YIPF4: variants seen among roughly 807,000 people sequenced by gnomAD.
YIPF4 encodes the protein Yip1 domain family member 4, also known as protein YIPF4.
A neutral mutation model predicts 29.4 loss-of-function variants in YIPF4; 18 were observed. The ratio of observed to expected loss-of-function variants is 0.61; its 90% CI spans 0.42 to 0.91. The LOEUF (loss-of-function observed/expected upper bound fraction) is 0.91. Ranked by LOEUF, YIPF4 falls within the 40% of genes least tolerant of loss-of-function variation. YIPF4 has a pLI of 0.00. For missense variants in YIPF4, 279 were observed against 282.7 expected, an observed-to-expected ratio of 0.99 and a Z score of 0.09; for synonymous variants, 115 against 104.7, an observed-to-expected ratio of 1.10 and a Z score of -0.60.
At chr2:32,290,769 G>A in intron 2 of YIPF4, 133 bp downstream of exon 2, 1 of 503,508 alleles carries the variant, frequency 2.0e-6, no homozygotes, top group Non-Finnish European at 3.0e-6. Flanking sequence ...AATTTTACTA[G>A]TAATTTAAAA....
chr2:32,289,480 TAG>T (rs1359970025), intron 1 of YIPF4, among the ~76,000 whole-genome samples: 1 of 152,218 alleles, frequency 6.6e-6, no homozygotes, highest in Non-Finnish European at 1.5e-5. Context: ...CTATCTGTGT[TAG>T]AGTGTTCTGG....
intron 1 of YIPF4, among the ~76,000 whole-genome samples, chr2:32,281,154 A>G (rs2030390142): frequency 6.6e-6 from 1 of 152,168 alleles, no homozygotes; most frequent in Admixed American, 6.5e-5. Flanking sequence ...CCACGGAGCT[A>G]TATGTATATG....
At chr2:32,301,262 T>C in intron 4 of YIPF4, 120 bp from the exon 5 acceptor site, 3 of 658,096 alleles carry the variant, frequency 4.6e-6, no homozygotes, top group Admixed American at 5.8e-5. Flanking sequence ...TAATAGTTTA[T>C]GATTTCTTCT....
intron 1 of YIPF4, among the ~76,000 whole-genome samples, chr2:32,279,250 C>T (rs1388042314): frequency 6.6e-6 from 1 of 151,952 alleles, no homozygotes; most frequent in Non-Finnish European, 1.5e-5. Flanking sequence ...GGATTACCGG[C>T]GTGAGCCACC....
At chr2:32,279,658 C>G (rs2030300312) in intron 1 of YIPF4, among the ~76,000 whole-genome samples, 1 of 151,264 alleles carries the variant, frequency 6.6e-6, no homozygotes, top group African/African-American at 2.4e-5. Context: ...ATCCGTCCGC[C>G]TCGGCCTCCC....
intron 1 of YIPF4, 123 bp downstream of exon 1, chr2:32,278,357 G>C: frequency 1.1e-6 from 1 of 941,758 alleles, no homozygotes. Flanking sequence ...ACTGGTGACT[G>C]CAGCCCACCA....
In YIPF4 at chr2:32,309,341, C is replaced by CTA. The variant is rs535841518; in HGVS notation, c.*3716_*3717insAT. ...TTTTTGGATTAGGAAAACTCAACCA[C>CTA]TGTATTTCTGCACATATTCCAAAAT... On this transcript the variant is annotated 3_prime_UTR_variant, in exon 6 of 6. Coordinates refer to ENST00000238831, the MANE Select transcript of YIPF4 (RefSeq NM_032312.4). The CTA allele has an allele frequency of 9.4e-4, 143 of 152,290 alleles. No homozygotes were observed. Among genetic ancestry groups the CTA allele is most frequent in the African/African-American group, 3.0e-3 (124 of 41,562 alleles). 9.4% of individuals were successfully genotyped at this position (152,290 alleles called of 1,614,324 possible).
intron 5 of YIPF4, among the ~76,000 whole-genome samples, chr2:32,304,347 G>A (rs12470495): frequency 0.37 from 56,654 of 151,534 alleles, 12,289 homozygotes; most frequent in African/African-American, 0.59. Flanking sequence ...TACAAATGCA[G>A]TTTGATCAAA....
chr2:32,309,721 G>T lies in YIPF4; in HGVS notation c.*4095G>T. The T allele has an allele frequency of 8.0e-6, 1 of 125,080 alleles. No homozygotes were observed. Among genetic ancestry groups the T allele is most frequent in the African/African-American group, 3.1e-5 (1 of 32,028 alleles). The allele number at this position is 125,080 out of a possible 1,614,324, so 7.7% of individuals were successfully genotyped here. On this transcript the variant is annotated 3_prime_UTR_variant, in exon 6 of 6. Coordinates refer to ENST00000238831, the MANE Select transcript of YIPF4 (RefSeq NM_032312.4). ...TTTTTTTTTTTGGAGACGGAGTCTT[G>T]CTCTCTCGCCCAGGCTGGAGTGTGT...
intron 1 of YIPF4, among the ~76,000 whole-genome samples, chr2:32,289,756 TGAATCTC>T (rs2030832561): frequency 1.3e-5 from 2 of 152,282 alleles, no homozygotes; most frequent in South Asian, 4.1e-4. Flanking sequence ...TGTGGATAAC[TGAATCTC>T]TTCACCTCTT....
intron 3 of YIPF4, among the ~76,000 whole-genome samples, chr2:32,297,882 T>C (rs915715981): frequency 6.6e-6 from 1 of 152,142 alleles, no homozygotes; most frequent in African/African-American, 2.4e-5. Flanking sequence ...TTTAAAGACT[T>C]CCAGAGAAGA....
intron 1 of YIPF4, among the ~76,000 whole-genome samples, chr2:32,284,016 G>A (rs973454144): frequency 2.0e-5 from 3 of 151,978 alleles, no homozygotes; most frequent in Non-Finnish European, 4.4e-5. Flanking sequence ...GAGTCACCAC[G>A]CCAGGCCTAA....
intron 2 of YIPF4, 100 bp from the exon 3 acceptor site, chr2:32,292,077 A>T: frequency 1.3e-6 from 1 of 755,942 alleles, no homozygotes; most frequent in Non-Finnish European, 1.9e-6. Context: ...ACCTATGGAG[A>T]TTATAACTGT....
At chr2:32,301,913 C>T (rs1461719812) in intron 5 of YIPF4, among the ~76,000 whole-genome samples, 1 of 152,096 alleles carries the variant, frequency 6.6e-6, no homozygotes, top group Non-Finnish European at 1.5e-5. Context: ...CCATGTTGGC[C>T]AGACTGGTCT....
chr2:32,279,151 A>G (rs1435114139), intron 1 of YIPF4, among the ~76,000 whole-genome samples: 3 of 151,074 alleles, frequency 2.0e-5, no homozygotes, highest in Non-Finnish European at 4.4e-5. Context: ...TTGTATTTTT[A>G]GTAGAGATGA....
intron 3 of YIPF4, among the ~76,000 whole-genome samples, chr2:32,292,877 A>G (rs1023874874): frequency 4.0e-5 from 6 of 150,748 alleles, no homozygotes; most frequent in Non-Finnish European, 8.9e-5. Context: ...AAAAAAAAAA[A>G]AAAAAAGAAA....
chr2:32,291,847 C>T (rs2030931918), intron 2 of YIPF4, among the ~76,000 whole-genome samples: 1 of 152,178 alleles, frequency 6.6e-6, no homozygotes, highest in African/African-American at 2.4e-5. Context: ...CAAAAAGTCA[C>T]AAGCAGAAAA....
At position 32,285,764 on chromosome 2, in the gene YIPF4, T is replaced by C. The variant is rs1174688450; in HGVS notation, c.80-4719T>C. Among the ~76,000 whole-genome samples, 3 of 151,776 alleles carry C rather than the reference T, an allele frequency of 2.0e-5. No individual in the cohort carries two copies. In the East Asian group the frequency reaches 5.8e-4, roughly 29 times the overall value. On this transcript the variant is annotated intron_variant, in intron 1 of 5. Coordinates refer to ENST00000238831, the MANE Select transcript of YIPF4 (RefSeq NM_032312.4). Reference sequence around the variant, plus strand: ...TCCACCTCCCAGGCTCAAGCAATTCTCCTGCCTCAGCCTCCCAAGTAGCTG... The same window carrying C: ...TCCACCTCCCAGGCTCAAGCAATTCCCCTGCCTCAGCCTCCCAAGTAGCTG...
chr2:32,297,658 T>G (rs1321500270), intron 3 of YIPF4, among the ~76,000 whole-genome samples: 2 of 151,848 alleles, frequency 1.3e-5, no homozygotes, highest in Admixed American at 6.6e-5. Flanking sequence ...CTCTATTAAA[T>G]AAATACATAA....
Sources: allele counts gnomAD v4.1 joint callset (sites outside exome capture counted in the v4.1 genomes callset), GRCh38; gene constraint gnomAD v4.1.1; transcripts MANE v1.5; gene names NCBI Gene and HGNC (gene_info 2026-07-23, HGNC 2026-07-21).